The following DLG5 variants were observed in gnomAD, a reference collection of about 807,000 sequenced individuals.
DLG5 encodes discs large MAGUK scaffold protein 5.
Under a neutral mutation model 189.8 loss-of-function variants are expected in DLG5, and 48 were observed. The ratio of observed to expected loss-of-function variants is 0.25; its 90% confidence interval spans 0.20 to 0.32. The LOEUF is 0.32. Ranked by LOEUF, DLG5 falls within the 10% of genes least tolerant of loss-of-function variation. The pLI, the probability that DLG5 is intolerant of heterozygous loss-of-function variation, is 1.00. For missense variants in DLG5, 2,160 were observed against 2,544.7 expected (o/e 0.85, Z 3.25); for synonymous variants, 1,016 against 1,054.1 (o/e 0.96, Z 0.70).
rs3781173 is a variant in DLG5, at chr10:77,793,600, C to T, written c.5656+408G>A. 3.9e-3 allele frequency: 622 copies of T among 158,460 alleles called. 11 individuals carry two copies. In the East Asian group the frequency reaches 0.068, roughly 17 times the overall value. 9.8% of individuals were successfully genotyped at this position (158,460 alleles called of 1,614,324 possible). On this transcript the variant is annotated intron_variant, in intron 31 of 31. Transcript: ENST00000372391. ...GGGTTTGCCAAATCCCGCTGCAAAA[C>T]GGGACTGCCCTGGAGGGTGCTAGGG...
chr10:77,816,638 G>A lies in DLG5; in HGVS notation c.3938C>T (p.Ser1313Phe), dbSNP rs1253535342. The change falls in exon 20 of 32, where the codon TCC (serine) becomes TTC (phenylalanine). Residue 1313 changes from serine to phenylalanine, a missense_variant. By Grantham distance (155) the Ser-to-Phe change is radical. Around this residue, in one of 5 missense-constraint regions of DLG5, gnomAD observed 754 missense variants for 746.5 expected, o/e 1.01. Coordinates refer to ENST00000372391, the MANE Select transcript of DLG5 (RefSeq NM_004747.4). Reference protein sequence around the residue: ...PQSPLNIDTLSSCSQSQTSAS... With the variant: ...PQSPLNIDTLFSCSQSQTSAS... ...TGAGGTCTGGGACTGGCTACAAGAG[G>A]ACAGGGTGTCGATGTTCAGGGGTGA... 2 of 1,614,162 alleles carry A rather than the reference G, an allele frequency of 1.2e-6. No individual in the cohort carries two copies. The highest frequency in any genetic ancestry group is 1.7e-6 in the Non-Finnish European group (2 of 1,180,014).
intron 25 of DLG5, 119 bp from the exon 26 acceptor site, chr10:77,807,047 G>C (rs995997438): frequency 2.5e-5 from 29 of 1,155,168 alleles, no homozygotes; most frequent in Non-Finnish European, 3.4e-5. Context: ...CTCCAAACTT[G>C]ATCAGGAATC....
At position 77,843,568 on chromosome 10, in the gene DLG5, G is replaced by A; in HGVS notation, c.1003C>T (p.Leu335=). The A allele has an allele frequency of 6.2e-7, 1 of 1,614,146 alleles. No individual in the cohort carries two copies. The highest frequency in any genetic ancestry group is 1.1e-5 in the South Asian group (1 of 91,076). ...TCCCCCAGCTGCTCCAGGCGGCTCA[G>A]GTCTGCATTGTGGATGGCGACTTTC... The part of the protein sequence containing the change: ...SEKVAIHNAD[L]SRLEQLGEEN... Residue 335 remains leucine (L), a synonymous_variant, in exon 6 of 32, where the codon CTG becomes TTG. Transcript: ENST00000372391.
chr10:77,909,286 C>A (rs1361645266), intron 1 of DLG5, among the ~76,000 whole-genome samples: 1 of 152,082 alleles, frequency 6.6e-6, no homozygotes, highest in East Asian at 1.9e-4. Flanking sequence ...TGTTCTCACT[C>A]CTAAGTGAGA....
intron 2 of DLG5, among the ~76,000 whole-genome samples, chr10:77,857,889 C>T (rs1844313414): frequency 6.6e-6 from 1 of 152,156 alleles, no homozygotes; most frequent in African/African-American, 2.4e-5. Flanking sequence ...GTGTCTGTTC[C>T]GCACTGGACC....
intron 22 of DLG5, 73 bp from the exon 23 acceptor site, chr10:77,811,307 T>C (rs558651393): frequency 1.3e-6 from 2 of 1,543,490 alleles, no homozygotes; most frequent in African/African-American, 2.7e-5. Context: ...CTGTGGCAAC[T>C]AGATCTGAGC....
At chr10:77,877,235 A>G (rs1001515836) in intron 1 of DLG5, among the ~76,000 whole-genome samples, 8 of 152,174 alleles carry the variant, frequency 5.3e-5, no homozygotes, top group Non-Finnish European at 1.2e-4. Context: ...CCCAGAATTA[A>G]ATCATTCAGT....
At chr10:77,812,459 G>A in intron 20 of DLG5, 82 bp from the exon 21 acceptor site, 5 of 1,506,970 alleles carry the variant, frequency 3.3e-6, no homozygotes, top group South Asian at 2.5e-5. Context: ...TCAGGCATAT[G>A]ATCTGACAGT....
chr10:77,830,681 GTCACCGTCTCCTCCT>G, intron 10 of DLG5, 45 bp downstream of exon 10: 1 of 1,594,398 alleles, frequency 6.3e-7, no homozygotes, highest in South Asian at 1.1e-5. Flanking sequence ...CTGCAAGCGG[GTCACCGTCTCCTCCT>G]TCATCCATCA....
In DLG5 at chr10:77,866,540, C is replaced by T. The variant is rs763587990; in HGVS notation, c.373+2589G>A. Among the ~76,000 whole-genome samples the T allele has an allele frequency of 2.0e-5, 3 of 152,178 alleles. 1 individual carries two copies. Among genetic ancestry groups the T allele is most frequent in the Admixed American group, 1.3e-4 (2 of 15,272 alleles). On this transcript the variant is annotated intron_variant, in intron 2 of 31. Coordinates refer to ENST00000372391, the MANE Select transcript of DLG5 (RefSeq NM_004747.4). ...TTCTGCCACTCACCGCAGATGGCTACAGAGCACTTGAAATGTGGTGGATTT... is the reference window on the plus strand; with the variant it reads ...TTCTGCCACTCACCGCAGATGGCTATAGAGCACTTGAAATGTGGTGGATTT...
chr10:77,865,860 C>A (rs1844656507), intron 2 of DLG5, among the ~76,000 whole-genome samples: 1 of 152,152 alleles, frequency 6.6e-6, no homozygotes, highest in African/African-American at 2.4e-5. Context: ...TAGGGCCAGG[C>A]TGGAGATCCG....
chr10:77,866,371 A>G (rs1056491442), intron 2 of DLG5, among the ~76,000 whole-genome samples: 7 of 152,208 alleles, frequency 4.6e-5, no homozygotes, highest in South Asian at 4.1e-4. Context: ...TGCATCTCTA[A>G]TAAGTGCCCC....
chr10:77,796,283 A>G lies in DLG5; in HGVS notation c.5309-95T>C. The stretch of plus-strand genomic sequence containing the variant: ...AGAACACTGCTCAGCAGCTGTCAGT[A>G]ACCCAGTCCTGCCATGCATGAATCT... On this transcript the variant is annotated intron_variant, in intron 28 of 31. Transcript: ENST00000372391. The surrounding 1 kb of genome is among the most constrained non-coding windows in gnomAD (Gnocchi z 5.2). The G allele has an allele frequency of 6.2e-7, 1 of 1,601,316 alleles. No individual in the cohort carries two copies. The highest frequency in any genetic ancestry group is 8.5e-7 in the Non-Finnish European group (1 of 1,171,800).
intron 13 of DLG5, among the ~76,000 whole-genome samples, chr10:77,828,650 A>G (rs946925041): frequency 9.9e-5 from 15 of 152,202 alleles, no homozygotes; most frequent in African/African-American, 3.6e-4. Context: ...AAGGTTATCT[A>G]CAGGTGGTAG....
At chr10:77,892,644 C>T (rs1009370560) in intron 1 of DLG5, among the ~76,000 whole-genome samples, 1 of 152,190 alleles carries the variant, frequency 6.6e-6, no homozygotes, top group African/African-American at 2.4e-5. Flanking sequence ...TTACAAGACA[C>T]CTCGCACACC....
At chr10:77,854,964 G>A (rs1427660874) in intron 3 of DLG5, among the ~76,000 whole-genome samples, 6 of 152,032 alleles carry the variant, frequency 3.9e-5, no homozygotes, top group Non-Finnish European at 5.9e-5. Flanking sequence ...ACTCCAGCCT[G>A]GGCAACAGAG....
At chr10:77,850,756 C>T (rs574800383) in intron 5 of DLG5, among the ~76,000 whole-genome samples, 27 of 152,350 alleles carry the variant, frequency 1.8e-4, no homozygotes, top group Middle Eastern at 3.4e-3. Flanking sequence ...GCGCCTCATA[C>T]ACACGGGCAC....
intron 1 of DLG5, among the ~76,000 whole-genome samples, chr10:77,902,882 T>G (rs915932829): frequency 6.7e-6 from 1 of 149,098 alleles, no homozygotes; most frequent in African/African-American, 2.5e-5. Flanking sequence ...AAAAAATAAA[T>G]AAATAAATAA....
chr10:77,811,172 T>C lies in DLG5; in HGVS notation c.4385A>G (p.Glu1462Gly). The C allele has an allele frequency of 6.2e-7, 1 of 1,613,236 alleles. No individual in the cohort carries two copies. The highest frequency in any genetic ancestry group is 8.5e-7 in the Non-Finnish European group (1 of 1,179,948). The change falls in exon 23 of 32, where the codon GAG becomes GGG. Residue 1462 changes from glutamate to glycine, a missense_variant. Glu to Gly is a moderately conservative substitution (Grantham distance 98, BLOSUM62 -2). Coordinates refer to ENST00000372391, the MANE Select transcript of DLG5 (RefSeq NM_004747.4). ...CAGTGGGTCGATGACAGATGGATGCTCCGGGGTGGTGGTGCCACTGCCCTG... is the reference window on the plus strand; with the variant it reads ...CAGTGGGTCGATGACAGATGGATGCCCCGGGGTGGTGGTGCCACTGCCCTG... Reference protein sequence around the residue: ...TLQGSGTTTPEHPSVIDPLME... With the variant: ...TLQGSGTTTPGHPSVIDPLME...
Sources: gnomAD v4.1 joint callset for allele counts (sites outside exome capture counted in the v4.1 genomes callset) on GRCh38, gnomAD v4.1.1 for gene constraint, gnomAD v4.1.1 regional missense constraint, Gnocchi (gnomAD v3.1) non-coding constraint, MANE v1.5 for transcripts, NCBI Gene and HGNC (gene_info 2026-07-23, HGNC 2026-07-21) for gene names.